The following CHD1L variants were observed in gnomAD, a reference collection of about 807,000 sequenced individuals.
The protein encoded by CHD1L is chromodomain helicase DNA binding protein 1 like, also known as ATP-dependent chromatin remodeler CHD1L.
A neutral mutation model predicts 115.9 loss-of-function variants in CHD1L; 118 were observed. That is an observed-to-expected ratio of 1.02 (90% CI 0.88 to 1.19). The LOEUF (loss-of-function observed/expected upper bound fraction) is 1.19, where lower values mean the gene tolerates loss of function less well. Among genes scored for constraint, CHD1L ranks in the 50% most tolerant of loss-of-function variants. The probability of loss-of-function intolerance (pLI) is 0.00; values close to 1 mark genes in which losing one functional copy is unlikely to be tolerated. For synonymous variants in CHD1L, 411 were observed against 387.1 expected, an observed-to-expected ratio of 1.06 and a Z score of -0.72; for missense variants, 1,179 against 1,065.3, an observed-to-expected ratio of 1.11 and a Z score of -1.49.
chr1:147,252,543 CTCAT>C, intron 1 of CHD1L, 76 bp from the exon 2 acceptor site: 1 of 1,066,468 alleles, frequency 9.4e-7, no homozygotes, highest in Admixed American at 2.0e-5. Flanking sequence ...GGCTGTGTTC[CTCAT>C]TCAAACTCTT....
At chr1:147,188,236 C>T in the CHD1L span, among the ~76,000 whole-genome samples, 2 of 152,034 alleles carry the variant, frequency 1.3e-5, no homozygotes, top group Non-Finnish European at 2.9e-5. Context: ...CTATACTATT[C>T]ATGAGGTTGG....
the CHD1L span, among the ~76,000 whole-genome samples, chr1:147,205,638 C>G: frequency 2.6e-5 from 4 of 152,212 alleles, no homozygotes; most frequent in South Asian, 8.3e-4. Flanking sequence ...TGATCTTTGA[C>G]AAACCTGACA....
rs908441342 is a variant in CHD1L, at chr1:147,264,526, G to A, written c.681G>A (p.Lys227=). 1.2e-6 allele frequency: 2 copies of A among 1,614,120 alleles called. No homozygotes were observed. The highest frequency in any genetic ancestry group is 1.7e-6 in the Non-Finnish European group (2 of 1,179,996). Residue 227 remains lysine, a synonymous_variant, in exon 7 of 23, where the codon AAG becomes AAA. Coordinates refer to ENST00000369258, the MANE Select transcript of CHD1L (RefSeq NM_004284.6). ...TTGTGGAGCCTGATCTCTTTTCCAAGGAAGAGGTGGGAGATTTTATTCAAC... is the reference window on the plus strand; with the variant it reads ...TTGTGGAGCCTGATCTCTTTTCCAAAGAAGAGGTGGGAGATTTTATTCAAC... The part of the protein sequence containing the change: ...LSFVEPDLFS[K]EEVGDFIQRY...
intron 3 of CHD1L, among the ~76,000 whole-genome samples, chr1:147,255,281 G>A (rs1315674955): frequency 6.6e-6 from 1 of 152,206 alleles, no homozygotes. Context: ...AGGCTGAAGT[G>A]CAATGGCACG....
At chr1:147,268,997 C>T (rs1675073071) in intron 10 of CHD1L, 119 bp downstream of exon 10, 4 of 623,824 alleles carry the variant, frequency 6.4e-6, no homozygotes, top group Non-Finnish European at 1.1e-5. Context: ...AACACTGATT[C>T]AGGTTCTGCC....
chr1:147,270,524 T>TG (rs1283242942), intron 10 of CHD1L, among the ~76,000 whole-genome samples: 2 of 151,546 alleles, frequency 1.3e-5, no homozygotes, highest in Non-Finnish European at 2.9e-5. Flanking sequence ...TTCTTTTCTT[T>TG]TTTTTTGTGT....
In CHD1L at chr1:147,279,157, T is replaced by G. The variant is rs142949899; in HGVS notation, c.1540-869T>G. Among the ~76,000 whole-genome samples, 1,487 of 152,298 alleles carry G rather than the reference T, an allele frequency of 9.8e-3. 5 individuals carry two copies. The highest frequency in any genetic ancestry group is 0.014 in the Non-Finnish European group (939 of 68,024). On this transcript the variant is annotated intron_variant, in intron 14 of 22. Transcript: ENST00000369258. ...CTTAAGTGAGCTGTCTATTGTTTCT[T>G]CAAGCTGTTACAGAATACCTTAACA...
intron 12 of CHD1L, among the ~76,000 whole-genome samples, chr1:147,273,036 C>T (rs587614089): frequency 1.1e-4 from 17 of 151,936 alleles, no homozygotes; most frequent in African/African-American, 3.9e-4. Flanking sequence ...CCCGTCTCTA[C>T]TTAAAAAAAT....
At chr1:147,197,684 TC>T in the CHD1L span, among the ~76,000 whole-genome samples, 1 of 152,136 alleles carries the variant, frequency 6.6e-6, no homozygotes, top group Non-Finnish European at 1.5e-5. Context: ...TCCTGAGGCC[TC>T]CCCAGCCATG....
intron 15 of CHD1L, among the ~76,000 whole-genome samples, chr1:147,280,858 G>A (rs1354395554): frequency 1.3e-5 from 2 of 152,154 alleles, no homozygotes; most frequent in South Asian, 4.1e-4. Flanking sequence ...TTCTGTACCA[G>A]CTGCAGCAGA....
At chr1:147,204,489 A>G in the CHD1L span, 1 of 1,532,850 alleles carries the variant, frequency 6.5e-7, no homozygotes, top group South Asian at 1.1e-5. Context: ...TTGCAGAACA[A>G]CGTACCAAAT....
chr1:147,275,547 G>C, intron 13 of CHD1L, 79 bp downstream of exon 13: 1 of 1,115,312 alleles, frequency 9.0e-7, no homozygotes, highest in Non-Finnish European at 1.3e-6. Context: ...TATAGTCCTG[G>C]TGACAGTCCC....
chr1:147,267,380 C>T (rs782527265), intron 8 of CHD1L, 46 bp from the exon 9 acceptor site: 3 of 1,445,040 alleles, frequency 2.1e-6, no homozygotes, highest in South Asian at 2.4e-5. Flanking sequence ...CTGTTTTGTT[C>T]AGTAGGCCAT....
chr1:147,201,925 C>A, the CHD1L span, among the ~76,000 whole-genome samples: 29,125 of 152,128 alleles, frequency 0.19, 3,277 homozygotes, highest in Middle Eastern at 0.26. Flanking sequence ...CCACTGTTTT[C>A]CAAACTGTAT....
upstream of CHD1L, among the ~76,000 whole-genome samples, chr1:147,241,027 G>A (rs587774953): frequency 3.3e-5 from 5 of 151,802 alleles, no homozygotes; most frequent in East Asian, 7.8e-4. Flanking sequence ...TCCACCCGAC[G>A]AGAAATACCC....
chr1:147,230,809 A>G, the CHD1L span, among the ~76,000 whole-genome samples: 1 of 151,072 alleles, frequency 6.6e-6, no homozygotes, highest in African/African-American at 2.4e-5. Flanking sequence ...AGGTGTTTAT[A>G]GTATTCTCTG....
the CHD1L span, chr1:147,201,639 A>G: frequency 4.5e-6 from 3 of 660,278 alleles, no homozygotes. Context: ...AAGTTTGGAA[A>G]AGGTCTAATT....
the CHD1L span, among the ~76,000 whole-genome samples, chr1:147,193,118 G>A: frequency 6.6e-6 from 1 of 152,058 alleles, no homozygotes; most frequent in Admixed American, 6.6e-5. Context: ...GGTAGAATTC[G>A]GCTGTGAATC....
the CHD1L span, among the ~76,000 whole-genome samples, chr1:147,220,002 C>A: frequency 6.6e-6 from 1 of 152,046 alleles, no homozygotes; most frequent in Non-Finnish European, 1.5e-5. Flanking sequence ...CCCTGCCCAG[C>A]TAATTTTTTG....
Sources: gnomAD v4.1 joint callset for allele counts (sites outside exome capture counted in the v4.1 genomes callset) on GRCh38, gnomAD v4.1.1 for gene constraint, MANE v1.5 for transcripts, NCBI Gene and HGNC (gene_info 2026-07-23, HGNC 2026-07-21) for gene names.